Variants in WDR75 observed in about 807,000 individuals in gnomAD.
WDR75 encodes WD repeat domain 75.
WDR75 carries 52 observed loss-of-function variants against 106.1 expected under a neutral mutation model. The observed-to-expected ratio is 0.49, with a 90% CI of 0.39 to 0.62. WDR75 has a LOEUF of 0.62. Among genes scored for constraint, WDR75 ranks in the 20% least tolerant of loss-of-function variants. The probability of loss-of-function intolerance (pLI) is 0.00; values close to 1 mark genes in which losing one functional copy is unlikely to be tolerated. For missense variants in WDR75, 905 were observed against 970.3 expected, an observed-to-expected ratio of 0.93 and a Z score of 0.89; for synonymous variants, 333 against 335.5, an observed-to-expected ratio of 0.99 and a Z score of 0.08.
rs1686798286 is a variant in WDR75 at position 189,458,806 on chromosome 2, G to T, written c.623G>T (p.Cys208Phe). 6.2e-7 allele frequency: 1 copy of T among 1,608,344 alleles called. No homozygotes were observed. Among genetic ancestry groups the T allele is most frequent in the Admixed American group, 1.7e-5 (1 of 59,248 alleles). The part of the protein sequence containing the change: ...NKKHAKNNFT[C>F]VACHPTEDCI... ...AAGCATGCTAAAAACAATTTTACATGTGTAGCATGTCACCCAACGGAAGAC... is the reference window on the plus strand; with the variant it reads ...AAGCATGCTAAAAACAATTTTACATTTGTAGCATGTCACCCAACGGAAGAC... Residue 208 changes from cysteine (C) to phenylalanine (F), a missense_variant, in exon 7 of 21, where the codon TGT (cysteine) becomes TTT (phenylalanine). Physicochemically the swap from Cys to Phe is radical, Grantham distance 205 (BLOSUM62 -2). Coordinates refer to ENST00000314761, the MANE Select transcript of WDR75 (RefSeq NM_032168.3).
chr2:189,466,984 T>C (rs984115422), intron 13 of WDR75, among the ~76,000 whole-genome samples: 15 of 152,096 alleles, frequency 9.9e-5, no homozygotes, highest in Non-Finnish European at 4.4e-5. Flanking sequence ...TTGTTTCTTT[T>C]TTATTTTATT....
intron 5 of WDR75, 92 bp downstream of exon 5, chr2:189,455,536 A>T: frequency 3.5e-6 from 5 of 1,433,706 alleles, no homozygotes; most frequent in Non-Finnish European, 4.7e-6. Context: ...GTGATTTTAT[A>T]TTCCCTTGAA....
intron 16 of WDR75, among the ~76,000 whole-genome samples, chr2:189,469,701 A>G (rs1336325765): frequency 6.6e-6 from 1 of 152,120 alleles, no homozygotes; most frequent in East Asian, 1.9e-4. Flanking sequence ...AGTTTGACAT[A>G]TTTCCAACTG....
At position 189,470,848 on chromosome 2, in the gene WDR75, A is replaced by G; in HGVS notation, c.2019A>G (p.Pro673=). 1 of 1,596,550 alleles carries G rather than the reference A, an allele frequency of 6.3e-7. No individual in the cohort carries two copies. The highest frequency in any genetic ancestry group is 8.5e-7 in the Non-Finnish European group (1 of 1,172,924). ...QSLLTFSTKS[P]EEKLTPTSKQ... The stretch of plus-strand genomic sequence containing the variant: ...TATTGACATTCAGTACAAAGTCTCC[A>G]GAAGAAAAACTCACACCAACAAGCA... Residue 673 remains proline, a synonymous_variant, in exon 18 of 21, where the codon CCA becomes CCG. Transcript: ENST00000314761.
In WDR75 at chr2:189,441,562, T is replaced by C; in HGVS notation, c.70T>C (p.Phe24Leu). 1 of 1,560,180 alleles carries C rather than the reference T, an allele frequency of 6.4e-7. No individual in the cohort carries two copies. The highest frequency in any genetic ancestry group is 8.7e-7 in the Non-Finnish European group (1 of 1,150,998). ...GSELNFRRAV[F>L]SADSKYIFCV... Reference sequence around the variant, plus strand: ...CGAGTTGAACTTTAGGAGAGCTGTGTTCTCTGCAGATTCTAAGTATGAGGG... The same window carrying C: ...CGAGTTGAACTTTAGGAGAGCTGTGCTCTCTGCAGATTCTAAGTATGAGGG... The change falls in exon 1 of 21, where the codon TTC becomes CTC. Residue 24 changes from phenylalanine to leucine, a missense_variant. Phe to Leu is a conservative substitution (Grantham distance 22). Transcript: ENST00000314761.
chr2:189,460,105 A>G (rs1686831219), intron 8 of WDR75, among the ~76,000 whole-genome samples: 1 of 152,210 alleles, frequency 6.6e-6, no homozygotes, highest in Non-Finnish European at 1.5e-5. Flanking sequence ...GTCTTTGTTT[A>G]CTTTTAGCAT....
In WDR75 at chr2:189,460,719, G is replaced by A. The variant is rs564258968; in HGVS notation, c.778+1295G>A. 2.8e-4 allele frequency among the ~76,000 whole-genome samples: 42 copies of A among 151,946 alleles called. 1 individual carries two copies. Among genetic ancestry groups the A allele is most frequent in the African/African-American group, 7.7e-4 (32 of 41,360 alleles). ...TGGGGTTTCACCGTGTTGCCAGGCT[G>A]GTCTCAAACTCCTGACCTCAGGCGA... On this transcript the variant is annotated intron_variant, in intron 8 of 20. Coordinates refer to ENST00000314761, the MANE Select transcript of WDR75 (RefSeq NM_032168.3).
At chr2:189,455,587 C>A in intron 5 of WDR75, 143 bp downstream of exon 5, 1 of 1,069,182 alleles carries the variant, frequency 9.4e-7, no homozygotes, top group East Asian at 2.5e-5. Flanking sequence ...CTCTTCATTG[C>A]TTTAGCATGT....
intron 4 of WDR75, among the ~76,000 whole-genome samples, chr2:189,453,375 T>C (rs1376881753): frequency 6.6e-6 from 1 of 152,210 alleles, no homozygotes; most frequent in African/African-American, 2.4e-5. Context: ...TGGTAACAAC[T>C]TCCTGTACTC....
chr2:189,469,484 A>C (rs1187005538), intron 16 of WDR75, 45 bp downstream of exon 16: 3 of 1,491,222 alleles, frequency 2.0e-6, no homozygotes, highest in Non-Finnish European at 2.8e-6. Flanking sequence ...TCTATGACCT[A>C]AGTTTTCTTC....
At chr2:189,460,401 T>C (rs888053065) in intron 8 of WDR75, among the ~76,000 whole-genome samples, 53 of 152,100 alleles carry the variant, frequency 3.5e-4, no homozygotes, top group African/African-American at 1.3e-3. Context: ...ATGGAGACAA[T>C]GTAGGCTGCT....
chr2:189,448,357 C>T, intron 1 of WDR75, 22 bp from the exon 2 acceptor site: 1 of 1,603,740 alleles, frequency 6.2e-7, no homozygotes, highest in Non-Finnish European at 8.5e-7. Context: ...GTAAAACTTA[C>T]TTTTCTTTCT....
intron 4 of WDR75, among the ~76,000 whole-genome samples, chr2:189,453,424 G>T (rs751515109): frequency 1.3e-5 from 2 of 152,116 alleles, no homozygotes; most frequent in Non-Finnish European, 2.9e-5. Context: ...GTTGCCAATA[G>T]CTGCTAGCAA....
chr2:189,474,069 A>G, intron 18 of WDR75, 117 bp from the exon 19 acceptor site: 2 of 1,114,100 alleles, frequency 1.8e-6, no homozygotes, highest in Admixed American at 5.0e-5. Flanking sequence ...CTAACTGGAT[A>G]ATTTGTAAAA....
chr2:189,475,384 G>C lies in WDR75; in HGVS notation c.2460G>C (p.Arg820Ser). The C allele has an allele frequency of 5.6e-6, 9 of 1,611,940 alleles. No individual in the cohort carries two copies. Among genetic ancestry groups the C allele is most frequent in the Non-Finnish European group, 7.6e-6 (9 of 1,179,098 alleles). ...AAGAAAAAGAACTGAGAAAATTTAG[G>C]AAAATAGACTACAGCTGGATAGCTG... is the stretch of plus-strand genomic sequence containing the variant. ...KSEEKELRKF[R>S]KIDYSWIAAL The change falls in exon 21 of 21, where the codon AGG becomes AGC. Residue 820 changes from arginine (R) to serine (S), a missense_variant. Coordinates refer to ENST00000314761, the MANE Select transcript of WDR75 (RefSeq NM_032168.3).
chr2:189,472,427 ACTC>A (rs1687135993), intron 18 of WDR75, among the ~76,000 whole-genome samples: 1 of 150,734 alleles, frequency 6.6e-6, no homozygotes, highest in African/African-American at 2.4e-5. Context: ...TTTTTCTAGA[ACTC>A]CTATTATTTA....
intron 7 of WDR75, 86 bp downstream of exon 7, chr2:189,458,958 G>T: frequency 7.2e-7 from 1 of 1,394,608 alleles, no homozygotes; most frequent in Non-Finnish European, 9.4e-7. Flanking sequence ...TGGGTCCCAA[G>T]AAACAGCCTC....
chr2:189,450,257 G>T, intron 2 of WDR75: 1 of 985,530 alleles, frequency 1.0e-6, no homozygotes, highest in Non-Finnish European at 1.2e-6. Context: ...CTCCCTTAAT[G>T]CTCATATAAG....
intron 4 of WDR75, among the ~76,000 whole-genome samples, chr2:189,453,662 C>A (rs919396013): frequency 5.9e-5 from 9 of 152,132 alleles, no homozygotes; most frequent in African/African-American, 2.2e-4. Flanking sequence ...ATATAATGGG[C>A]ACCCAGCATA....
Sources: gnomAD v4.1 joint callset for allele counts (sites outside exome capture counted in the v4.1 genomes callset) on GRCh38, gnomAD v4.1.1 for gene constraint, MANE v1.5 for transcripts, NCBI Gene and HGNC (gene_info 2026-07-23, HGNC 2026-07-21) for gene names.